Variants in KCNJ6 observed in about 807,000 individuals in gnomAD.
The protein encoded by KCNJ6 is potassium inwardly rectifying channel subfamily J member 6, also known as G protein-activated inward rectifier potassium channel 2.
A neutral mutation model predicts 34.2 loss-of-function variants in KCNJ6; 9 were observed. The observed-to-expected ratio is 0.26, with a 90% CI of 0.16 to 0.46. KCNJ6 has a LOEUF of 0.46. Ranked by LOEUF, KCNJ6 falls within the 20% of genes least tolerant of loss-of-function variation. The pLI is 1.00. For missense variants in KCNJ6, 236 were observed against 531.3 expected (o/e 0.44, Z 5.46); for synonymous variants, 196 against 207.1 (o/e 0.95, Z 0.46).
chr21:37,659,110 C>G (rs1014928802), intron 3 of KCNJ6, among the ~76,000 whole-genome samples: 1 of 152,228 alleles, frequency 6.6e-6, no homozygotes, highest in Admixed American at 6.5e-5. Flanking sequence ...CTTACTGCAC[C>G]TGTGTCAAAA....
At chr21:37,898,339 T>A (rs2055799478) in intron 1 of KCNJ6, among the ~76,000 whole-genome samples, 1 of 152,062 alleles carries the variant, frequency 6.6e-6, no homozygotes, top group African/African-American at 2.4e-5. Context: ...AAAATGCCAG[T>A]ATTGGGAGGC....
intron 2 of KCNJ6, among the ~76,000 whole-genome samples, chr21:37,761,849 C>T (rs561325976): frequency 5.9e-4 from 89 of 152,024 alleles, no homozygotes; most frequent in Non-Finnish European, 1.1e-3. Flanking sequence ...TGTCTGTGTG[C>T]GGTGCATGTT....
intron 1 of KCNJ6, among the ~76,000 whole-genome samples, chr21:37,854,814 T>C (rs1270084497): frequency 6.6e-6 from 1 of 152,184 alleles, no homozygotes; most frequent in African/African-American, 2.4e-5. Context: ...CAAGAATACA[T>C]AGCAATCCTA....
chr21:37,691,507 C>A (rs1052833782), intron 3 of KCNJ6, among the ~76,000 whole-genome samples: 1 of 152,178 alleles, frequency 6.6e-6, no homozygotes, highest in Admixed American at 6.5e-5. Flanking sequence ...ACTATTGACA[C>A]CTATTGAATG....
At chr21:37,860,186 G>A (rs2055587668) in intron 1 of KCNJ6, among the ~76,000 whole-genome samples, 1 of 152,104 alleles carries the variant, frequency 6.6e-6, no homozygotes, top group Non-Finnish European at 1.5e-5. Flanking sequence ...TTTTTCTCCT[G>A]AATCCTATTT....
intron 1 of KCNJ6, among the ~76,000 whole-genome samples, chr21:37,894,222 G>T (rs763230540): frequency 2.6e-5 from 4 of 152,180 alleles, no homozygotes; most frequent in African/African-American, 4.8e-5. Flanking sequence ...GTACAGCCTT[G>T]CAACATCACA....
At chr21:37,691,555 T>C (rs951231084) in intron 3 of KCNJ6, among the ~76,000 whole-genome samples, 1 of 152,240 alleles carries the variant, frequency 6.6e-6, no homozygotes, top group Non-Finnish European at 1.5e-5. Flanking sequence ...GGAGTTCCTC[T>C]GAGGTGTCCC....
chr21:37,631,887 C>T (rs1317866172), intron 3 of KCNJ6, among the ~76,000 whole-genome samples: 1 of 152,048 alleles, frequency 6.6e-6, no homozygotes, highest in East Asian at 1.9e-4. Flanking sequence ...ACACAGGTGC[C>T]AAAAACTGAG....
intron 1 of KCNJ6, among the ~76,000 whole-genome samples, chr21:37,867,547 T>C (rs1421954119): frequency 6.6e-6 from 1 of 152,250 alleles, no homozygotes; most frequent in African/African-American, 2.4e-5. Flanking sequence ...CTCATCTTTA[T>C]ATAAACATTT....
chr21:37,821,541 T>C (rs2055373144), intron 2 of KCNJ6, among the ~76,000 whole-genome samples: 3 of 152,280 alleles, frequency 2.0e-5, no homozygotes, highest in African/African-American at 7.2e-5. Flanking sequence ...ATGCTCTCCT[T>C]TCCCCTGCCC....
chr21:37,864,872 T>TC lies in KCNJ6; in HGVS notation c.-27-24164_-27-24163insG, dbSNP rs1491168653. On this transcript the variant is annotated intron_variant, in intron 1 of 3. Coordinates refer to ENST00000609713, the MANE Select transcript of KCNJ6 (RefSeq NM_002240.5). ...CATTCTCCCCATCTGTCTCTCTCTC[T>TC]TTTTTTTTTTTTTTTTGAGACTGGG... Among the ~76,000 whole-genome samples, 225 of 71,566 alleles carry TC rather than the reference T, an allele frequency of 3.1e-3. 1 individual carries two copies. Among genetic ancestry groups the TC allele is most frequent in the African/African-American group, 0.01 (96 of 9,262 alleles). 47.0% of individuals were successfully genotyped at this position (71,566 alleles called of 152,430 possible). A position where few individuals can be genotyped will look rare whatever the true frequency, so the allele number is the denominator to read the frequency against.
At chr21:37,756,241 G>C (rs578081279) in intron 2 of KCNJ6, among the ~76,000 whole-genome samples, 1 of 152,318 alleles carries the variant, frequency 6.6e-6, no homozygotes, top group Non-Finnish European at 1.5e-5. Flanking sequence ...GAAAACTGAT[G>C]CAAATAAAAG....
Position 37,609,469 on chromosome 21 carries a change from C to A in KCNJ6, c.*15690G>T, listed in dbSNP as rs2054235038. 2 of 152,160 alleles carry A rather than the reference C, an allele frequency of 1.3e-5. No individual in the cohort carries two copies. Among genetic ancestry groups the A allele is most frequent in the South Asian group, 4.1e-4 (2 of 4,828 alleles). The allele number at this position is 152,160 out of a possible 1,614,324, so 9.4% of individuals were successfully genotyped here. The stretch of plus-strand genomic sequence containing the variant: ...ATAGCTTTCTGGAATAATTTTCTAT[C>A]CTAAGAAATAGCTCACAGAACAACC... On this transcript the variant is annotated 3_prime_UTR_variant, in exon 4 of 4. Transcript: ENST00000609713.
At chr21:37,799,649 C>T (rs2055260061) in intron 2 of KCNJ6, among the ~76,000 whole-genome samples, 1 of 152,176 alleles carries the variant, frequency 6.6e-6, no homozygotes, top group Admixed American at 6.5e-5. Context: ...AAGATATAAA[C>T]ACTCAGGAAA....
rs1361005233 is a variant in KCNJ6, at chr21:37,614,200, C to T, written c.*10959G>A. On this transcript the variant is annotated 3_prime_UTR_variant, in exon 4 of 4. Transcript: ENST00000609713. ...TTCTGAATCCAGGGTTCCTACCAAA[C>T]ACTGGAAGAAAGGCTGTTGCCTGCA... The T allele has an allele frequency of 1.3e-5, 2 of 152,206 alleles. No homozygotes were observed. Among genetic ancestry groups the T allele is most frequent in the Non-Finnish European group, 2.9e-5 (2 of 68,040 alleles). 9.4% of individuals were successfully genotyped at this position (152,206 alleles called of 1,614,324 possible). A position where few individuals can be genotyped will look rare whatever the true frequency, so the allele number is the denominator to read the frequency against.
chr21:37,687,315 T>C (rs763514099), intron 3 of KCNJ6, among the ~76,000 whole-genome samples: 4 of 152,152 alleles, frequency 2.6e-5, no homozygotes, highest in African/African-American at 7.2e-5. Flanking sequence ...TCAGTTGTCA[T>C]GCAAGCAAGC....
intron 3 of KCNJ6, among the ~76,000 whole-genome samples, chr21:37,708,143 A>AT (rs748739905): frequency 6.6e-6 from 1 of 152,146 alleles, no homozygotes; most frequent in Non-Finnish European, 1.5e-5. Context: ...ACAATGAACA[A>AT]TTTTTGCCTT....
intron 2 of KCNJ6, among the ~76,000 whole-genome samples, chr21:37,826,335 G>C (rs770243866): frequency 5.3e-5 from 8 of 152,090 alleles, no homozygotes. Context: ...CATAATGTTG[G>C]GGTTCCTCCA....
chr21:37,766,400 G>T (rs2055091374), intron 2 of KCNJ6, among the ~76,000 whole-genome samples: 1 of 152,170 alleles, frequency 6.6e-6, no homozygotes, highest in South Asian at 2.1e-4. Context: ...AAGGGATGGG[G>T]GTGGGTAACA....
Sources: allele counts gnomAD v4.1 joint callset (sites outside exome capture counted in the v4.1 genomes callset), GRCh38; gene constraint gnomAD v4.1.1; transcripts MANE v1.5; gene names NCBI Gene and HGNC (gene_info 2026-07-23, HGNC 2026-07-21).